CACNA1C: variants seen among roughly 807,000 people sequenced by gnomAD.
The protein encoded by CACNA1C is voltage-dependent L-type calcium channel subunit alpha-1C.
In CACNA1C, 30 loss-of-function variants were observed where a neutral mutation model predicts 229.0. That is an observed-to-expected ratio of 0.13 (90% CI 0.10 to 0.18). CACNA1C has a LOEUF of 0.18. CACNA1C is among the 10% of genes least tolerant of loss of function. The probability of loss-of-function intolerance (pLI) is 1.00; values close to 1 mark genes in which losing one functional copy is unlikely to be tolerated. For synonymous variants in CACNA1C, 1,114 were observed against 1,132.5 expected (o/e 0.98, Z 0.33); for missense variants, 1,658 against 2,845.0 (o/e 0.58, Z 9.49).
At chr12:2,321,168 A>G (rs2095974087) in intron 3 of CACNA1C, among the ~76,000 whole-genome samples, 1 of 151,180 alleles carries the variant, frequency 6.6e-6, no homozygotes, top group African/African-American at 2.4e-5. Flanking sequence ...ACTGCTTCAA[A>G]TCCTCCTACC....
In CACNA1C at chr12:2,054,959, T is replaced by C. The variant is rs1170334365; in HGVS notation, c.49+1348T>C. ...CCTTTTGGGGACAGGGCCTTCACTC[T>C]TTAGAGCCAGAAGCTGCCATCCAGC... On this transcript the variant is annotated intron_variant, in intron 1 of 46. Coordinates refer to ENST00000399655, the MANE Select transcript of CACNA1C (RefSeq NM_000719.7). The surrounding 1 kb of genome is among the most constrained non-coding windows in gnomAD (Gnocchi z 5.5). 6.6e-6 allele frequency among the ~76,000 whole-genome samples: 1 copy of C among 152,254 alleles called. No individual in the cohort carries two copies. Among genetic ancestry groups the C allele is most frequent in the East Asian group, 1.9e-4 (1 of 5,202 alleles).
Position 2,115,561 on chromosome 12 carries a change from C to A in CACNA1C, c.371+16C>A. The A allele has an allele frequency of 6.2e-7, 1 of 1,611,918 alleles. No homozygotes were observed. The highest frequency in any genetic ancestry group is 8.5e-7 in the Non-Finnish European group (1 of 1,179,092). ...TCGAATGGAAATATCCTTTGTTCAC[C>A]GGGCTGGGCATGCTCCTGGGACCTG... On this transcript the variant is annotated intron_variant, in intron 2 of 46. Coordinates refer to ENST00000399655, the MANE Select transcript of CACNA1C (RefSeq NM_000719.7).
rs947253784 is a variant in CACNA1C, at chr12:2,181,298, T to G, written c.477+60868T>G. ...CTTTCACAGAGGCAGTTCCTGAGTC[T>G]CTAGTCTTGGGGCTCATGCTTGAAG... On this transcript the variant is annotated intron_variant, in intron 3 of 46. Coordinates refer to ENST00000399655, the MANE Select transcript of CACNA1C (RefSeq NM_000719.7). The surrounding 1 kb of genome is among the most constrained non-coding windows in gnomAD (Gnocchi z 4.0). 1.3e-5 allele frequency among the ~76,000 whole-genome samples: 2 copies of G among 152,188 alleles called. No individual in the cohort carries two copies. Among genetic ancestry groups the G allele is most frequent in the Admixed American group, 6.5e-5 (1 of 15,278 alleles).
rs3085990 is a variant in CACNA1C at position 2,067,481 on chromosome 12, T to TGTGTGCGC, written c.49+13871_49+13872insTGTGCGCG. Among the ~76,000 whole-genome samples the TGTGTGCGC allele has an allele frequency of 2.5e-3, 357 of 140,876 alleles. 2 individuals are homozygous for TGTGTGCGC. Among genetic ancestry groups the TGTGTGCGC allele is most frequent in the South Asian group, 5.0e-3 (22 of 4,362 alleles). 92.4% of individuals were successfully genotyped at this position (140,876 alleles called of 152,430 possible). A position where few individuals can be genotyped will look rare whatever the true frequency, so the allele number is the denominator to read the frequency against. On this transcript the variant is annotated intron_variant, in intron 1 of 46. Transcript: ENST00000399655. This position sits in a 1 kb window ranked among gnomAD's most constrained non-coding sequence, Gnocchi z 5.3. ...GTGTGTGTGTGTGTGTGTGTGTGTG[T>TGTGTGCGC]GCGCGCGTGTGCGTGCCTGTATGTA...
intron 3 of CACNA1C, among the ~76,000 whole-genome samples, chr12:2,415,772 G>A (rs1455519813): frequency 6.6e-6 from 1 of 152,140 alleles, no homozygotes; most frequent in Non-Finnish European, 1.5e-5. Context: ...TCCCCGCCAT[G>A]GTGGCCTCGT....
intron 3 of CACNA1C, among the ~76,000 whole-genome samples, chr12:2,166,421 A>G (rs117224316): frequency 0.034 from 5,195 of 152,298 alleles, 118 homozygotes; most frequent in Non-Finnish European, 0.053. Flanking sequence ...GTTTATTAGG[A>G]CTTTCATGGT....
At chr12:2,558,805 G>T (rs181502380) in intron 11 of CACNA1C, among the ~76,000 whole-genome samples, 1 of 152,108 alleles carries the variant, frequency 6.6e-6, no homozygotes, top group African/African-American at 2.4e-5. Context: ...TTTCTCTCCC[G>T]TTTCACTAGG....
intron 1 of CACNA1C, among the ~76,000 whole-genome samples, chr12:2,071,398 A>C (rs1212592286): frequency 1.3e-5 from 2 of 151,464 alleles, no homozygotes; most frequent in African/African-American, 4.9e-5. Context: ...TTTCATTTTT[A>C]GTAGAGATGA....
intron 3 of CACNA1C, among the ~76,000 whole-genome samples, chr12:2,192,212 C>T (rs929546632): frequency 5.3e-5 from 8 of 152,218 alleles, no homozygotes; most frequent in Non-Finnish European, 7.3e-5. Flanking sequence ...ATATCTGAAA[C>T]TTCTGTGCTG....
chr12:2,595,577 T>C lies in CACNA1C; in HGVS notation c.2664-297T>C, dbSNP rs1224388899. On this transcript the variant is annotated intron_variant, in intron 19 of 46. Transcript: ENST00000399655. This position sits in a 1 kb window ranked among gnomAD's most constrained non-coding sequence, Gnocchi z 4.1. ...GATTTCTTTTCAATGATAGGGAAAATAAGTCCCCAAACAAAAGCCAGTTAT... is the reference window on the plus strand; with the variant it reads ...GATTTCTTTTCAATGATAGGGAAAACAAGTCCCCAAACAAAAGCCAGTTAT... 6.6e-6 allele frequency among the ~76,000 whole-genome samples: 1 copy of C among 152,028 alleles called. No homozygotes were observed. Among genetic ancestry groups the C allele is most frequent in the African/African-American group, 2.4e-5 (1 of 41,400 alleles).
intron 3 of CACNA1C, among the ~76,000 whole-genome samples, chr12:2,397,788 C>G (rs745832840): frequency 1.3e-5 from 2 of 152,234 alleles, no homozygotes; most frequent in Non-Finnish European, 2.9e-5. Context: ...TCTGATAAAT[C>G]TTACTGCTCT....
chr12:2,629,847 C>T (rs546136304), intron 29 of CACNA1C, among the ~76,000 whole-genome samples: 1 of 152,332 alleles, frequency 6.6e-6, no homozygotes, highest in South Asian at 2.1e-4. Context: ...ATGTCAATAA[C>T]AATTTGGTGA....
chr12:2,295,900 G>A (rs990423685), intron 3 of CACNA1C, among the ~76,000 whole-genome samples: 7 of 152,338 alleles, frequency 4.6e-5, no homozygotes, highest in East Asian at 1.9e-4. Flanking sequence ...CTCCCAGATC[G>A]CATGGGATTT....
At chr12:2,262,011 T>G (rs2080432849) in intron 3 of CACNA1C, among the ~76,000 whole-genome samples, 1 of 152,250 alleles carries the variant, frequency 6.6e-6, no homozygotes, top group African/African-American at 2.4e-5. Flanking sequence ...GGGAAGGCAG[T>G]GCCAGGGCCA....
At chr12:2,644,226 C>T (rs1234048344) in intron 30 of CACNA1C, among the ~76,000 whole-genome samples, 1 of 152,184 alleles carries the variant, frequency 6.6e-6, no homozygotes, top group Non-Finnish European at 1.5e-5. Flanking sequence ...TGGAATTGGG[C>T]AGCCGTTTTC....
Position 2,651,839 on chromosome 12 carries a change from CAAG to C in CACNA1C, c.4074+72_4074+74del. ...CGCGTGGCCCAGAACACAGCTGACA[CAAG>C]GAGGAGCCCTCCACTCTGGGGCCCT... is the stretch of plus-strand genomic sequence containing the variant. On this transcript the variant is annotated intron_variant, in intron 32 of 46. Transcript: ENST00000399655. The surrounding 1 kb of genome is among the most constrained non-coding windows in gnomAD (Gnocchi z 5.4). 1.6e-6 allele frequency: 2 copies of C among 1,246,900 alleles called. No homozygotes were observed. The highest frequency in any genetic ancestry group is 1.4e-5 in the South Asian group (1 of 68,970). 77.2% of individuals were successfully genotyped at this position (1,246,900 alleles called of 1,614,324 possible).
At chr12:2,500,648 C>G (rs145063856) in intron 7 of CACNA1C, among the ~76,000 whole-genome samples, 29 of 152,238 alleles carry the variant, frequency 1.9e-4, no homozygotes, top group Middle Eastern at 3.4e-3. Flanking sequence ...GTCTGTGACC[C>G]AGAGAGGAGC....
intron 3 of CACNA1C, among the ~76,000 whole-genome samples, chr12:2,227,170 G>A (rs1351064283): frequency 6.6e-6 from 1 of 152,120 alleles, no homozygotes; most frequent in East Asian, 1.9e-4. Context: ...TTTAGTCCAG[G>A]ATCTCCTTCC....
At chr12:2,303,052 A>C (rs2094699964) in intron 3 of CACNA1C, among the ~76,000 whole-genome samples, 1 of 152,192 alleles carries the variant, frequency 6.6e-6, no homozygotes, top group Admixed American at 6.5e-5. Context: ...CCCAGGACGG[A>C]GGCGGGAAAC....
Sources: gnomAD v4.1 joint callset for allele counts (sites outside exome capture counted in the v4.1 genomes callset) on GRCh38, gnomAD v4.1.1 for gene constraint, Gnocchi (gnomAD v3.1) non-coding constraint, MANE v1.5 for transcripts, NCBI Gene and HGNC (gene_info 2026-07-23, HGNC 2026-07-21) for gene names.